Variants in SMURF2 observed in about 807,000 individuals in gnomAD.
SMURF2 encodes the protein SMAD specific E3 ubiquitin protein ligase 2.
SMURF2 carries 48 observed loss-of-function variants against 109.6 expected under a neutral mutation model. The ratio of observed to expected loss-of-function variants is 0.44; its 90% CI spans 0.35 to 0.56. The LOEUF is 0.56. SMURF2 is among the 20% of genes least tolerant of loss of function. The probability of loss-of-function intolerance (pLI) is 0.01; values close to 1 mark genes in which losing one functional copy is unlikely to be tolerated. For missense variants in SMURF2, 575 were observed against 909.0 expected, an observed-to-expected ratio of 0.63 and a Z score of 4.72; for synonymous variants, 288 against 317.1, an observed-to-expected ratio of 0.91 and a Z score of 0.97.
intron 3 of SMURF2, among the ~76,000 whole-genome samples, chr17:64,594,664 C>G (rs1969793191): frequency 6.6e-6 from 1 of 152,238 alleles, no homozygotes; most frequent in South Asian, 2.1e-4. Context: ...TATTAAGTAG[C>G]TGAATTACCC....
intron 1 of SMURF2, among the ~76,000 whole-genome samples, chr17:64,631,298 GA>G (rs1970343208): frequency 9.1e-6 from 1 of 110,250 alleles, no homozygotes; most frequent in Non-Finnish European, 1.8e-5. Context: ...GAGAGAGAGA[GA>G]GAGAGAGAGA....
At chr17:64,603,015 C>A (rs1409607107) in intron 2 of SMURF2, among the ~76,000 whole-genome samples, 4 of 151,810 alleles carry the variant, frequency 2.6e-5, no homozygotes, top group African/African-American at 9.7e-5. Flanking sequence ...CTCCTTACTA[C>A]ACAAATGCAC....
chr17:64,579,352 C>T (rs1341639809), intron 8 of SMURF2, among the ~76,000 whole-genome samples: 5 of 151,546 alleles, frequency 3.3e-5, no homozygotes, highest in Admixed American at 6.6e-5. Flanking sequence ...AACTTCAATA[C>T]ATAAAAAACT....
intron 2 of SMURF2, among the ~76,000 whole-genome samples, chr17:64,602,624 TTC>T (rs1969913438): frequency 6.6e-6 from 1 of 152,148 alleles, no homozygotes; most frequent in South Asian, 2.1e-4. Flanking sequence ...CTAGAGAACT[TTC>T]TGCATTTTAA....
At chr17:64,652,632 C>T (rs1281942256) in intron 1 of SMURF2, among the ~76,000 whole-genome samples, 3 of 152,182 alleles carry the variant, frequency 2.0e-5, no homozygotes, top group Non-Finnish European at 4.4e-5. Context: ...GGATGACAGG[C>T]ACCTGCCACA....
intron 1 of SMURF2, among the ~76,000 whole-genome samples, chr17:64,653,477 T>A (rs1970665183): frequency 6.6e-6 from 1 of 152,038 alleles, no homozygotes; most frequent in Admixed American, 6.6e-5. Flanking sequence ...AAAAAATTTT[T>A]TTTTTTGAGA....
Position 64,554,890 on chromosome 17 carries a change from G to T in SMURF2, c.1714C>A (p.Pro572Thr), listed in dbSNP as rs376057787. ...TCTTTTTTATTTTCTTCATTAACAG[G>T]GATACTTTTGCCATTTGGTTTAAGT... ...HELKPNGKSIPVNEENKKEYV... is the reference protein window; with the variant it reads ...HELKPNGKSITVNEENKKEYV... The change falls in exon 15 of 19, where the codon CCT (proline) becomes ACT (threonine). Residue 572 changes from proline (P) to threonine (T), a missense_variant. Coordinates refer to ENST00000262435, the MANE Select transcript of SMURF2 (RefSeq NM_022739.4). The T allele has an allele frequency of 1.9e-6, 3 of 1,613,300 alleles. No individual in the cohort carries two copies. The highest frequency in any genetic ancestry group is 2.5e-6 in the Non-Finnish European group (3 of 1,179,628).
At chr17:64,597,818 C>T (rs1454158055) in intron 3 of SMURF2, among the ~76,000 whole-genome samples, 1 of 151,016 alleles carries the variant, frequency 6.6e-6, no homozygotes, top group Non-Finnish European at 1.5e-5. Flanking sequence ...AACTGTGATG[C>T]TATAAAATAA....
chr17:64,592,708 G>A (rs1969766885), intron 4 of SMURF2, among the ~76,000 whole-genome samples: 1 of 152,166 alleles, frequency 6.6e-6, no homozygotes, highest in African/African-American at 2.4e-5. Flanking sequence ...AAAAAAACCT[G>A]TTGAAAAAGG....
chr17:64,630,532 G>T (rs1007203226), intron 1 of SMURF2, among the ~76,000 whole-genome samples: 8 of 152,132 alleles, frequency 5.3e-5, no homozygotes, highest in African/African-American at 1.7e-4. Flanking sequence ...CAGGTTAGGG[G>T]TAAGCAGTAA....
chr17:64,610,065 T>G (rs1248718138), intron 1 of SMURF2, among the ~76,000 whole-genome samples: 3 of 152,150 alleles, frequency 2.0e-5, no homozygotes, highest in African/African-American at 7.2e-5. Flanking sequence ...AGATACCATC[T>G]CACACCAGTT....
intron 12 of SMURF2, 84 bp downstream of exon 12, chr17:64,561,416 G>T: frequency 1.2e-6 from 1 of 844,574 alleles, no homozygotes; most frequent in Admixed American, 2.3e-5. Flanking sequence ...AATAAATGTC[G>T]ATGAGAAAGT....
chr17:64,554,337 A>C (rs1555683847), intron 15 of SMURF2, among the ~76,000 whole-genome samples: 3 of 152,214 alleles, frequency 2.0e-5, no homozygotes, highest in African/African-American at 7.2e-5. Context: ...AAAAAGATCT[A>C]GCAGCTTCTG....
At chr17:64,584,749 CA>C (rs1969629652) in intron 6 of SMURF2, among the ~76,000 whole-genome samples, 1 of 152,092 alleles carries the variant, frequency 6.6e-6, no homozygotes, top group Admixed American at 6.5e-5. Flanking sequence ...AATATTTCTA[CA>C]AAGATACTGG....
At chr17:64,638,398 G>A (rs1261569442) in intron 1 of SMURF2, among the ~76,000 whole-genome samples, 1 of 151,774 alleles carries the variant, frequency 6.6e-6, no homozygotes, top group African/African-American at 2.4e-5. Flanking sequence ...ACAGTGTTTC[G>A]TCATGTTGGG....
intron 1 of SMURF2, among the ~76,000 whole-genome samples, chr17:64,611,098 C>T (rs1390918403): frequency 3.9e-5 from 6 of 152,190 alleles, no homozygotes; most frequent in Non-Finnish European, 5.9e-5. Context: ...ACTTGAAGTT[C>T]TTCAGGGTTT....
In SMURF2 at chr17:64,555,295, C is replaced by T. The variant is rs556816427; in HGVS notation, c.1611-302G>A. 1.9e-4 allele frequency among the ~76,000 whole-genome samples: 29 copies of T among 152,328 alleles called. No homozygotes were observed. The South Asian group carries it at 6.0e-3, about 32-fold the overall frequency. On this transcript the variant is annotated intron_variant, in intron 14 of 18. Transcript: ENST00000262435. The stretch of plus-strand genomic sequence containing the variant: ...ATTTGGCATTCTGAAGAGCCCTACT[C>T]GGTACTGTACTCCAAGGGGCCAAGT...
rs370520140 is a variant in SMURF2 at position 64,554,961 on chromosome 17, G to T, written c.1643C>A (p.Thr548Asn). The change falls in exon 15 of 19, where the codon ACC (threonine) becomes AAC (asparagine). Residue 548 changes from threonine to asparagine, a missense_variant. Transcript: ENST00000262435. Reference sequence around the variant, plus strand: ...ATATGCATTATGTTCAACACAGAAGGTATGGTCCAAAACACCTGTAATATC... The same window carrying T: ...ATATGCATTATGTTCAACACAGAAGTTATGGTCCAAAACACCTGTAATATC... Reference protein sequence around the residue: ...ENDITGVLDHTFCVEHNAYGE... With the variant: ...ENDITGVLDHNFCVEHNAYGE... 3.7e-6 allele frequency: 6 copies of T among 1,613,558 alleles called. No homozygotes were observed. The highest frequency in any genetic ancestry group is 4.2e-6 in the Non-Finnish European group (5 of 1,179,690).
At chr17:64,568,200 G>A (rs1250720552) in intron 10 of SMURF2, among the ~76,000 whole-genome samples, 6 of 151,738 alleles carry the variant, frequency 4.0e-5, no homozygotes, top group African/African-American at 1.5e-4. Flanking sequence ...ATGTTGGCCA[G>A]GCTGGTCTCG....
Sources: allele counts gnomAD v4.1 joint callset (sites outside exome capture counted in the v4.1 genomes callset), GRCh38; gene constraint gnomAD v4.1.1; transcripts MANE v1.5; gene names NCBI Gene and HGNC (gene_info 2026-07-23, HGNC 2026-07-21).